The following ALLC variants were observed in gnomAD, a reference collection of about 807,000 sequenced individuals.
The protein encoded by ALLC is probable inactive allantoicase.
ALLC carries 40 observed loss-of-function variants against 45.0 expected under a neutral mutation model. That is an observed-to-expected ratio of 0.89 (90% CI 0.69 to 1.16). ALLC has a LOEUF of 1.16. ALLC is among the 50% of genes most tolerant of loss of function. The pLI, the probability that ALLC is intolerant of heterozygous loss-of-function variation, is 0.00. For missense variants in ALLC, 488 were observed against 493.1 expected (o/e 0.99, Z 0.10); for synonymous variants, 176 against 178.1 (o/e 0.99, Z 0.09).
intron 10 of ALLC, among the ~76,000 whole-genome samples, 165 bp downstream of exon 10, chr2:3,697,621 GTCTATCTA>G (rs201211524): frequency 0.015 from 1,863 of 125,406 alleles, 16 homozygotes; most frequent in African/African-American, 0.017. Context: ...CTGTCTGTCT[GTCTATCTA>G]TCTATCTATC....
Position 3,671,103 on chromosome 2 carries a change from G to A in ALLC, c.-55G>A, listed in dbSNP as rs761121178. 1.6e-5 allele frequency: 26 copies of A among 1,591,826 alleles called. No homozygotes were observed. The highest frequency in any genetic ancestry group is 2.1e-5 in the Non-Finnish European group (25 of 1,168,446). On this transcript the variant is annotated 5_prime_UTR_variant, in exon 2 of 12. Transcript: ENST00000252505. ...CTGCCCTCTCCCTTCCAGGAAGCAC[G>A]GCTGATGCTCCGAAGGAGGGAAGAC...
chr2:3,669,272 G>T (rs1666803465), intron 1 of ALLC, among the ~76,000 whole-genome samples: 1 of 152,160 alleles, frequency 6.6e-6, no homozygotes, highest in South Asian at 2.1e-4. Flanking sequence ...AGGAGATGGA[G>T]ACCATCCTGG....
At chr2:3,698,570 G>T (rs1667742822) in intron 10 of ALLC, among the ~76,000 whole-genome samples, 1 of 152,132 alleles carries the variant, frequency 6.6e-6, no homozygotes, top group African/African-American at 2.4e-5. Context: ...AAACAACCTT[G>T]ATATTCTGTA....
upstream of ALLC, among the ~76,000 whole-genome samples, chr2:3,655,895 C>T (rs867838705): frequency 5.3e-5 from 8 of 152,134 alleles, no homozygotes; most frequent in African/African-American, 1.7e-4. Flanking sequence ...CTGCTGGAGC[C>T]CCTAAGCGCT....
At chr2:3,679,558 A>G (rs574162959) in intron 4 of ALLC, among the ~76,000 whole-genome samples, 5 of 152,330 alleles carry the variant, frequency 3.3e-5, no homozygotes, top group Admixed American at 3.3e-4. Flanking sequence ...TGTAAGAGGT[A>G]AATAATTTGC....
At chr2:3,687,568 G>C (rs1036363102) in intron 7 of ALLC, among the ~76,000 whole-genome samples, 3 of 150,790 alleles carry the variant, frequency 2.0e-5, no homozygotes, top group African/African-American at 7.3e-5. Context: ...TTAGGTCCTG[G>C]AATTTTCTTT....
At chr2:3,701,666 A>G (rs1667841475) in intron 11 of ALLC, 30 bp downstream of exon 11, 1 of 1,601,710 alleles carries the variant, frequency 6.2e-7, no homozygotes, top group South Asian at 1.1e-5. Context: ...CGGATCCAGC[A>G]CTCAGACTGT....
At chr2:3,670,510 G>C (rs927635252) in intron 1 of ALLC, among the ~76,000 whole-genome samples, 1 of 152,128 alleles carries the variant, frequency 6.6e-6, no homozygotes, top group African/African-American at 2.4e-5. Flanking sequence ...GTTGGGCTAA[G>C]TCCCGTGTTA....
chr2:3,692,465 T>C (rs1429989519), intron 7 of ALLC, among the ~76,000 whole-genome samples: 1 of 152,252 alleles, frequency 6.6e-6, no homozygotes, highest in Non-Finnish European at 1.5e-5. Context: ...TAAGACCCAC[T>C]GCCCATGTGT....
intron 1 of ALLC, among the ~76,000 whole-genome samples, chr2:3,670,095 C>T (rs985666491): frequency 1.1e-4 from 17 of 152,274 alleles, no homozygotes; most frequent in South Asian, 6.2e-4. Flanking sequence ...CCTTCCAGCC[C>T]GCAGGTGTGA....
rs201832311 is a variant in ALLC at position 3,677,030 on chromosome 2, C to T, written c.85-1438C>T. ...CTCGAACTCCTGACCTCAGGTGATC[C>T]GCCCTCCTTGGCCTCCCAAAGTGCT... On this transcript the variant is annotated intron_variant, in intron 3 of 11. Transcript: ENST00000252505. 4.7e-4 allele frequency among the ~76,000 whole-genome samples: 72 copies of T among 152,204 alleles called. No homozygotes were observed. The East Asian group carries it at 6.2e-3, about 13-fold the overall frequency.
chr2:3,653,169 G>A, the ALLC span, among the ~76,000 whole-genome samples: 3 of 152,368 alleles, frequency 2.0e-5, no homozygotes, highest in East Asian at 3.9e-4. This position sits in a 1 kb window ranked among gnomAD's most constrained non-coding sequence, Gnocchi z 4.1. Flanking sequence ...GCCCCCCGAA[G>A]CCTCCACTCA....
At chr2:3,652,676 C>G in the ALLC span, among the ~76,000 whole-genome samples, 1 of 149,924 alleles carries the variant, frequency 6.7e-6, no homozygotes, top group Non-Finnish European at 1.5e-5. Context: ...TGCAGCCTCC[C>G]GGTTCAAGGG....
upstream of ALLC, among the ~76,000 whole-genome samples, chr2:3,657,124 G>A (rs1468825389): frequency 3.9e-5 from 6 of 152,184 alleles, no homozygotes; most frequent in Non-Finnish European, 7.3e-5. Context: ...CATCTGGATG[G>A]GCAGACAGAT....
chr2:3,664,906 AC>A (rs569681466), intron 1 of ALLC, among the ~76,000 whole-genome samples: 40 of 145,250 alleles, frequency 2.8e-4, no homozygotes, highest in Admixed American at 4.2e-4. Flanking sequence ...CAAAACCAAA[AC>A]CCCCCCCCAA....
chr2:3,702,597 G>A lies in ALLC; in HGVS notation c.*34G>A. 2 of 1,496,046 alleles carry A rather than the reference G, an allele frequency of 1.3e-6. No homozygotes were observed. The highest frequency in any genetic ancestry group is 1.8e-6 in the Non-Finnish European group (2 of 1,122,546). The allele number at this position is 1,496,046 out of a possible 1,614,324, so 92.7% of individuals were successfully genotyped here. On this transcript the variant is annotated 3_prime_UTR_variant, in exon 12 of 12. Transcript: ENST00000252505. ...AAGCCCCGGTGTCGGACACACAGCA[G>A]TAATTTCCCAGTCATAGTCTTCTTT...
intron 1 of ALLC, among the ~76,000 whole-genome samples, chr2:3,658,876 CAAAA>C (rs566003324): frequency 1.0e-4 from 7 of 69,114 alleles, no homozygotes; most frequent in Non-Finnish European, 1.5e-4. Context: ...GACCCTGTCT[CAAAA>C]AAAAAAAAAA....
At chr2:3,695,998 T>C in intron 8 of ALLC, 126 bp downstream of exon 8, 1 of 1,054,868 alleles carries the variant, frequency 9.5e-7, no homozygotes, top group Non-Finnish European at 1.3e-6. Context: ...ATGAGATTAA[T>C]CTTCCATGTG....
At chr2:3,660,160 G>A (rs868221634) in intron 1 of ALLC, among the ~76,000 whole-genome samples, 1 of 152,114 alleles carries the variant, frequency 6.6e-6, no homozygotes, top group Non-Finnish European at 1.5e-5. Context: ...GTGGTGAGAC[G>A]GTTCTTCCTC....
Sources: gnomAD v4.1 joint callset for allele counts (sites outside exome capture counted in the v4.1 genomes callset) on GRCh38, gnomAD v4.1.1 for gene constraint, Gnocchi (gnomAD v3.1) non-coding constraint, MANE v1.5 for transcripts, NCBI Gene and HGNC (gene_info 2026-07-23, HGNC 2026-07-21) for gene names.